ARHGAP42: variants seen among roughly 807,000 people sequenced by gnomAD.
ARHGAP42 encodes rho GTPase-activating protein 42.
ARHGAP42 carries 63 observed loss-of-function variants against 125.0 expected under a neutral mutation model. That is an observed-to-expected ratio of 0.50 (90% confidence interval 0.41 to 0.62). The LOEUF (loss-of-function observed/expected upper bound fraction) is 0.62. Ranked by LOEUF, ARHGAP42 falls within the 20% of genes least tolerant of loss-of-function variation. The pLI is 0.00. For missense variants in ARHGAP42, 766 were observed against 1,024.2 expected (o/e 0.75, Z 3.44); for synonymous variants, 339 against 351.0 (o/e 0.97, Z 0.38).
chr11:100,876,565 T>A (rs1169801471), intron 4 of ARHGAP42, among the ~76,000 whole-genome samples: 1 of 152,368 alleles, frequency 6.6e-6, no homozygotes, highest in East Asian at 1.9e-4. Context: ...TTTTACTTTA[T>A]ACAAAATCAG....
intron 5 of ARHGAP42, 141 bp from the exon 6 acceptor site, chr11:100,921,353 A>G: frequency 1.8e-6 from 1 of 570,514 alleles, no homozygotes; most frequent in East Asian, 3.4e-5. Context: ...CATACACTAT[A>G]AGCTCCTGTA....
intron 1 of ARHGAP42, among the ~76,000 whole-genome samples, chr11:100,694,989 C>T (rs1045383398): frequency 6.6e-5 from 10 of 152,180 alleles, no homozygotes; most frequent in African/African-American, 2.4e-4. Flanking sequence ...TGAGATCGCG[C>T]CATTGCGCTC....
intron 3 of ARHGAP42, among the ~76,000 whole-genome samples, chr11:100,802,424 C>CT (rs777832011): frequency 0.3 from 37,676 of 123,792 alleles, 6,233 homozygotes; most frequent in East Asian, 0.53. Flanking sequence ...TCCTTTCTTT[C>CT]TTTTTTTTTT....
intron 1 of ARHGAP42, among the ~76,000 whole-genome samples, chr11:100,720,328 T>G (rs1321453156): frequency 6.6e-6 from 1 of 152,222 alleles, no homozygotes; most frequent in Non-Finnish European, 1.5e-5. Context: ...ATTCCATATG[T>G]AAGTTGTTCC....
chr11:100,806,797 A>T (rs556309421), intron 3 of ARHGAP42, among the ~76,000 whole-genome samples: 1 of 151,966 alleles, frequency 6.6e-6, no homozygotes, highest in South Asian at 2.1e-4. Flanking sequence ...GCTAATAATC[A>T]TAAAATTCAT....
At chr11:100,878,006 G>GAAAA (rs35482152) in intron 4 of ARHGAP42, among the ~76,000 whole-genome samples, 5 of 64,414 alleles carry the variant, frequency 7.8e-5, no homozygotes, top group Admixed American at 2.0e-4. Context: ...CTCTGTCCCA[G>GAAAA]AAAAAAAAAA....
At chr11:100,817,841 A>T (rs574641844) in intron 3 of ARHGAP42, among the ~76,000 whole-genome samples, 1 of 152,180 alleles carries the variant, frequency 6.6e-6, no homozygotes, top group Non-Finnish European at 1.5e-5. Flanking sequence ...TTACTCAGCT[A>T]TCTCCATACC....
At chr11:100,739,138 TAG>T (rs1862126072) in intron 1 of ARHGAP42, among the ~76,000 whole-genome samples, 1 of 152,108 alleles carries the variant, frequency 6.6e-6, no homozygotes, top group Non-Finnish European at 1.5e-5. Context: ...CAAGTTATCT[TAG>T]AGTCTTTTTT....
At chr11:100,857,270 C>T (rs1865343336) in intron 3 of ARHGAP42, among the ~76,000 whole-genome samples, 1 of 151,824 alleles carries the variant, frequency 6.6e-6, no homozygotes, top group Non-Finnish European at 1.5e-5. Flanking sequence ...GAAAAATAAC[C>T]CAAGAAATGT....
chr11:100,744,180 A>G (rs747954493), intron 1 of ARHGAP42, among the ~76,000 whole-genome samples: 3 of 152,164 alleles, frequency 2.0e-5, no homozygotes, highest in Non-Finnish European at 4.4e-5. Context: ...CATGTTGGCC[A>G]GTCTGGTCTC....
rs74976384 is a variant in ARHGAP42, at chr11:100,819,224, G to A, written c.312+24058G>A. 7.9e-4 allele frequency among the ~76,000 whole-genome samples: 120 copies of A among 152,214 alleles called. No individual in the cohort carries two copies. In the East Asian group the frequency reaches 0.01, roughly 13 times the overall value. On this transcript the variant is annotated intron_variant, in intron 3 of 23. Transcript: ENST00000298815. ...TTGTTAGTATTTAGAACGGCTCATC[G>A]GAGGAGTCCACAGGCAAGTGAGGTT...
chr11:100,814,887 T>A (rs1864229278), intron 3 of ARHGAP42, among the ~76,000 whole-genome samples: 1 of 152,212 alleles, frequency 6.6e-6, no homozygotes. Context: ...TCACTTAGTA[T>A]GTACAGATAT....
At chr11:100,814,500 G>A (rs1169430121) in intron 3 of ARHGAP42, among the ~76,000 whole-genome samples, 1 of 151,972 alleles carries the variant, frequency 6.6e-6, no homozygotes, top group Non-Finnish European at 1.5e-5. Flanking sequence ...TTGGTATAAA[G>A]AAATACATGA....
At chr11:100,781,546 G>A (rs1044019992) in intron 2 of ARHGAP42, among the ~76,000 whole-genome samples, 1 of 152,068 alleles carries the variant, frequency 6.6e-6, no homozygotes, top group Non-Finnish European at 1.5e-5. Context: ...TACTTACCAA[G>A]CACCGAGAAT....
intron 3 of ARHGAP42, among the ~76,000 whole-genome samples, chr11:100,809,330 C>T (rs540589641): frequency 1.3e-5 from 2 of 152,194 alleles, no homozygotes; most frequent in South Asian, 4.2e-4. Flanking sequence ...GACCAATTAC[C>T]CAAGGTTAAA....
At chr11:100,930,387 A>G (rs1867542835) in intron 6 of ARHGAP42, among the ~76,000 whole-genome samples, 1 of 152,208 alleles carries the variant, frequency 6.6e-6, no homozygotes. Flanking sequence ...AGAGGCAGGT[A>G]TTTCATAATG....
At chr11:100,869,361 A>C (rs754234849) in intron 4 of ARHGAP42, among the ~76,000 whole-genome samples, 10 of 151,866 alleles carry the variant, frequency 6.6e-5, no homozygotes, top group Non-Finnish European at 1.5e-4. Context: ...TAATCTGGGC[A>C]CTATACTATC....
At chr11:100,960,007 C>T in intron 13 of ARHGAP42, 62 bp downstream of exon 13, 1 of 1,385,112 alleles carries the variant, frequency 7.2e-7, no homozygotes, top group Non-Finnish European at 1.0e-6. Flanking sequence ...ATGGAAAACT[C>T]TCAGAGTAGA....
chr11:100,905,335 A>G (rs1866695162), intron 4 of ARHGAP42, among the ~76,000 whole-genome samples: 1 of 152,220 alleles, frequency 6.6e-6, no homozygotes, highest in Admixed American at 6.5e-5. Flanking sequence ...AGCTGGCTTA[A>G]TTTATATGCC....
Sources: gnomAD v4.1 joint callset for allele counts (sites outside exome capture counted in the v4.1 genomes callset) on GRCh38, gnomAD v4.1.1 for gene constraint, MANE v1.5 for transcripts, NCBI Gene and HGNC (gene_info 2026-07-23, HGNC 2026-07-21) for gene names.